Variants in MED13L observed in about 807,000 individuals in gnomAD.
The protein encoded by MED13L is mediator of RNA polymerase II transcription subunit 13-like.
A neutral mutation model predicts 220.9 loss-of-function variants in MED13L; 7 were observed. The ratio of observed to expected loss-of-function variants is 0.03; its 90% CI spans 0.02 to 0.06. The LOEUF is 0.06. MED13L is among the 10% of genes least tolerant of loss of function. MED13L has a pLI of 1.00. For missense variants in MED13L, 1,965 were observed against 2,760.5 expected (o/e 0.71, Z 6.46); for synonymous variants, 1,011 against 1,015.2 (o/e 1.00, Z 0.08).
chr12:116,158,744 A>G (rs1404322682), intron 2 of MED13L, among the ~76,000 whole-genome samples: 1 of 152,312 alleles, frequency 6.6e-6, no homozygotes, highest in African/African-American at 2.4e-5. Flanking sequence ...TAATGTTGAT[A>G]ATTTTCAAAT....
intron 4 of MED13L, among the ~76,000 whole-genome samples, chr12:116,096,132 T>C (rs1872615335): frequency 6.6e-6 from 1 of 151,850 alleles, no homozygotes; most frequent in South Asian, 2.1e-4. Flanking sequence ...GGTGGGCAGA[T>C]GGCTTGAGTT....
chr12:116,031,710 GAAAA>G (rs1486022412), intron 4 of MED13L, among the ~76,000 whole-genome samples: 1,328 of 36,674 alleles, frequency 0.036, 77 homozygotes, highest in Admixed American at 0.047. Context: ...GAAAAGAAAA[GAAAA>G]GAAAAGAAAA....
intron 4 of MED13L, among the ~76,000 whole-genome samples, chr12:116,027,657 C>T (rs1209147010): frequency 1.3e-5 from 2 of 152,092 alleles, no homozygotes; most frequent in Non-Finnish European, 2.9e-5. Context: ...GAGAAATCCG[C>T]GGTGCTTCCA....
chr12:116,219,757 A>C (rs1478906596), intron 2 of MED13L, among the ~76,000 whole-genome samples: 1 of 152,178 alleles, frequency 6.6e-6, no homozygotes, highest in Non-Finnish European at 1.5e-5. Flanking sequence ...TTTTTAAAGA[A>C]GTTCTTACCA....
intron 1 of MED13L, among the ~76,000 whole-genome samples, chr12:116,256,917 C>T (rs978615890): frequency 1.3e-5 from 2 of 152,030 alleles, no homozygotes; most frequent in South Asian, 2.1e-4. Flanking sequence ...ATCTCTTGAC[C>T]GCCCACCTCG....
intron 4 of MED13L, among the ~76,000 whole-genome samples, chr12:116,047,175 C>A (rs1881888998): frequency 6.6e-6 from 1 of 151,992 alleles, no homozygotes; most frequent in African/African-American, 2.4e-5. Context: ...AAGAGCAAGA[C>A]CCTATCTCTA....
In MED13L at chr12:116,019,912, T is replaced by C; in HGVS notation, c.686A>G (p.Asp229Gly). 6.2e-7 allele frequency: 1 copy of C among 1,613,804 alleles called. No individual in the cohort carries two copies. The highest frequency in any genetic ancestry group is 1.1e-5 in the South Asian group (1 of 91,076). Residue 229 changes from aspartate to glycine, a missense_variant, in exon 6 of 31, where the codon GAC becomes GGC. Transcript: ENST00000281928. ...TLTGQAYKMS[D>G]PATRKLIEEW... ...CTCAATCAACTTACGAGTGGCTGGG[T>C]CTGACATCTTGTATGCTTGGCCTGT... is the stretch of plus-strand genomic sequence containing the variant.
chr12:115,999,376 G>T (rs1878603296), intron 14 of MED13L, among the ~76,000 whole-genome samples: 1 of 151,042 alleles, frequency 6.6e-6, no homozygotes, highest in Non-Finnish European at 1.5e-5. Context: ...CGGTGAAAGA[G>T]AAAGACTCTG....
intron 1 of MED13L, among the ~76,000 whole-genome samples, chr12:116,272,304 T>G (rs1191053434): frequency 6.6e-6 from 1 of 152,228 alleles, no homozygotes; most frequent in Non-Finnish European, 1.5e-5. Context: ...GGCTCATGCC[T>G]GTAATCCCAG....
In MED13L at chr12:116,065,352, C is replaced by T. The variant is rs537038382; in HGVS notation, c.479+31317G>A. Among the ~76,000 whole-genome samples the T allele has an allele frequency of 6.8e-4, 104 of 152,122 alleles. No individual in the cohort carries two copies. In the Middle Eastern group the frequency reaches 0.014, roughly 20 times the overall value. ...GAGGATAGCAAAAATAATACACACA[C>T]ATATGCATATATATGCTGAGTATAA... On this transcript the variant is annotated intron_variant, in intron 4 of 30. Transcript: ENST00000281928.
chr12:116,008,198 A>G, intron 10 of MED13L: 1 of 647,798 alleles, frequency 1.5e-6, no homozygotes, highest in Admixed American at 3.3e-5. Context: ...AGAGTTCTTT[A>G]TATGCCCATG....
At chr12:116,241,268 G>A (rs551880962) in intron 1 of MED13L, among the ~76,000 whole-genome samples, 1 of 149,744 alleles carries the variant, frequency 6.7e-6, no homozygotes, top group East Asian at 2.0e-4. Flanking sequence ...TTGAGCCACT[G>A]CACTCCAGCC....
chr12:116,132,311 A>T (rs1876145849), intron 2 of MED13L, among the ~76,000 whole-genome samples: 1 of 151,902 alleles, frequency 6.6e-6, no homozygotes, highest in Non-Finnish European at 1.5e-5. Flanking sequence ...ATCAGTACCA[A>T]ATAAAATACT....
At chr12:116,272,199 A>C in intron 1 of MED13L, among the ~76,000 whole-genome samples, 1 of 152,226 alleles carries the variant, frequency 6.6e-6, no homozygotes, top group South Asian at 2.1e-4. Context: ...AAATTAACTT[A>C]GTTATCACAA....
chr12:116,049,220 T>A (rs1882012325), intron 4 of MED13L, among the ~76,000 whole-genome samples: 1 of 152,206 alleles, frequency 6.6e-6, no homozygotes, highest in Non-Finnish European at 1.5e-5. Flanking sequence ...GACTGTCTCT[T>A]TTGGAAGAGG....
intron 4 of MED13L, among the ~76,000 whole-genome samples, chr12:116,038,902 A>AT (rs147473832): frequency 0.017 from 2,524 of 149,728 alleles, 50 homozygotes; most frequent in African/African-American, 0.036. Context: ...TTCCTCATCT[A>AT]TTTTTTTTTC....
intron 11 of MED13L, 106 bp downstream of exon 11, chr12:116,007,305 G>T: frequency 9.9e-7 from 1 of 1,012,516 alleles, no homozygotes; most frequent in Non-Finnish European, 1.6e-6. Flanking sequence ...AGAGCAATCA[G>T]GCAAGACTAT....
At chr12:116,191,879 A>G (rs1444758033) in intron 2 of MED13L, among the ~76,000 whole-genome samples, 1 of 152,134 alleles carries the variant, frequency 6.6e-6, no homozygotes, top group Non-Finnish European at 1.5e-5. Flanking sequence ...CATCAAAAGT[A>G]AAAAAGGCAA....
intron 4 of MED13L, among the ~76,000 whole-genome samples, chr12:116,032,633 T>C (rs1370105534): frequency 6.6e-6 from 1 of 152,224 alleles, no homozygotes; most frequent in Non-Finnish European, 1.5e-5. Flanking sequence ...CTCTCTTTAC[T>C]TCTTACAAGT....
Sources: allele counts gnomAD v4.1 joint callset (sites outside exome capture counted in the v4.1 genomes callset), GRCh38; gene constraint gnomAD v4.1.1; transcripts MANE v1.5; gene names NCBI Gene and HGNC (gene_info 2026-07-23, HGNC 2026-07-21).